The following PLEKHH2 variants were observed in gnomAD, a reference collection of about 807,000 sequenced individuals.
The protein encoded by PLEKHH2 is pleckstrin homology domain-containing family H member 2.
PLEKHH2 carries 129 observed loss-of-function variants against 187.9 expected under a neutral mutation model. The observed-to-expected ratio is 0.69, with a 90% CI of 0.59 to 0.79. The LOEUF is 0.79. Ranked by LOEUF, PLEKHH2 falls within the 30% of genes least tolerant of loss-of-function variation. PLEKHH2 has a pLI of 0.00. For synonymous variants in PLEKHH2, 686 were observed against 605.6 expected, an observed-to-expected ratio of 1.13 and a Z score of -1.95; for missense variants, 2,076 against 1,751.2, an observed-to-expected ratio of 1.19 and a Z score of -3.31.
chr2:43,656,575 G>A (rs1000702116), intron 2 of PLEKHH2, among the ~76,000 whole-genome samples: 4 of 152,206 alleles, frequency 2.6e-5, no homozygotes, highest in African/African-American at 7.2e-5. Context: ...ACACATAACA[G>A]GCTAACCTTG....
At chr2:43,708,307 G>A (rs12465669) in intron 11 of PLEKHH2, among the ~76,000 whole-genome samples, 15,253 of 152,198 alleles carry the variant, frequency 0.1, 839 homozygotes, top group African/African-American at 0.12. Context: ...ATTCGGTCAC[G>A]TACTTGACCT....
In PLEKHH2 at chr2:43,666,167, A is replaced by C. The variant is rs922038422; in HGVS notation, c.124-12696A>C. ...ACCCTCCAAGCCAGGTGTGGGATAT[A>C]GTCTCGTGGTGCGCCGTTTTTTAAG... On this transcript the variant is annotated intron_variant, in intron 2 of 29. Transcript: ENST00000282406. Among the ~76,000 whole-genome samples, 6 of 149,838 alleles carry C rather than the reference A, an allele frequency of 4.0e-5. 1 individual carries two copies. Among genetic ancestry groups the C allele is most frequent in the African/African-American group, 1.5e-4 (6 of 39,882 alleles).
At chr2:43,712,110 A>G in intron 14 of PLEKHH2, 115 bp from the exon 15 acceptor site, 1 of 1,386,330 alleles carries the variant, frequency 7.2e-7, no homozygotes, top group Non-Finnish European at 9.8e-7. Context: ...GGGACTTGAG[A>G]TTTAGCATGT....
intron 23 of PLEKHH2, among the ~76,000 whole-genome samples, chr2:43,744,546 C>T (rs1671695755): frequency 6.6e-6 from 1 of 150,558 alleles, no homozygotes; most frequent in African/African-American, 2.4e-5. Context: ...TAGGGAAGGC[C>T]TGAGCTGGAA....
Position 43,738,506 on chromosome 2 carries a change from C to T in PLEKHH2, c.3109C>T (p.Pro1037Ser). The T allele has an allele frequency of 6.2e-7, 1 of 1,609,726 alleles. No homozygotes were observed. Residue 1037 changes from proline (P) to serine (S), a missense_variant, in exon 20 of 30, where the codon CCA (proline) becomes TCA (serine). Coordinates refer to ENST00000282406, the MANE Select transcript of PLEKHH2 (RefSeq NM_172069.4). ...QTRRRQPQNQ[P>S]GPLQGWQLLA... is the part of the protein sequence containing the mutation. ...AAGACGAAGACAGCCACAGAATCAA[C>T]CAGGACCATTGCAGGTAGATATTAA...
Position 43,700,246 on chromosome 2 carries a change from T to C in PLEKHH2, c.1288T>C (p.Leu430=). The C allele has an allele frequency of 6.2e-7, 1 of 1,614,146 alleles. No individual in the cohort carries two copies. The highest frequency in any genetic ancestry group is 8.5e-7 in the Non-Finnish European group (1 of 1,180,016). The stretch of plus-strand genomic sequence containing the variant: ...CTCACTCTCTGGAAAAGGAACACAA[T>C]TAGTGCCTTCATCACACCTGCCACC... ...PNSLSGKGTQ[L]VPSSHLPPPK... The change falls in exon 8 of 30, where the codon TTA becomes CTA. Residue 430 remains leucine (L), a synonymous_variant. Transcript: ENST00000282406.
At chr2:43,702,738 C>G (rs2568246) in intron 8 of PLEKHH2, among the ~76,000 whole-genome samples, 1 of 151,972 alleles carries the variant, frequency 6.6e-6, no homozygotes, top group African/African-American at 2.4e-5. Context: ...TTAAAAATTT[C>G]TAAGAGCTTA....
intron 2 of PLEKHH2, among the ~76,000 whole-genome samples, chr2:43,674,650 T>C (rs1558458260): frequency 6.6e-6 from 1 of 152,198 alleles, no homozygotes; most frequent in Admixed American, 6.5e-5. Flanking sequence ...ATTTGAAACC[T>C]CTTCCAGAAT....
intron 11 of PLEKHH2, among the ~76,000 whole-genome samples, chr2:43,708,409 G>GC (rs1669777997): frequency 6.6e-6 from 1 of 152,098 alleles, no homozygotes; most frequent in Admixed American, 6.6e-5. Flanking sequence ...CAGGACCTTG[G>GC]CACTGCTGTT....
intron 2 of PLEKHH2, among the ~76,000 whole-genome samples, chr2:43,674,634 C>G (rs1271786311): frequency 6.6e-6 from 1 of 152,148 alleles, no homozygotes; most frequent in Non-Finnish European, 1.5e-5. Context: ...ATTTACATAT[C>G]CAAATATTTG....
At chr2:43,741,116 C>T (rs756724573) in intron 21 of PLEKHH2, 73 bp downstream of exon 21, 67 of 1,344,978 alleles carry the variant, frequency 5.0e-5, no homozygotes, top group African/African-American at 1.8e-4. Flanking sequence ...AAGTATTTAA[C>T]GATCTGCCAG....
chr2:43,716,180 C>G (rs1191671184), intron 15 of PLEKHH2, among the ~76,000 whole-genome samples: 1 of 151,982 alleles, frequency 6.6e-6, no homozygotes, highest in Non-Finnish European at 1.5e-5. Context: ...AAAGATGTAC[C>G]TTGAGTTCAC....
rs545702601 is a variant in PLEKHH2, at chr2:43,671,045, G to A, written c.124-7818G>A. Among the ~76,000 whole-genome samples the A allele has an allele frequency of 2.1e-4, 32 of 150,990 alleles. No homozygotes were observed. The South Asian group carries it at 6.1e-3, about 29-fold the overall frequency. On this transcript the variant is annotated intron_variant, in intron 2 of 29. Coordinates refer to ENST00000282406, the MANE Select transcript of PLEKHH2 (RefSeq NM_172069.4). ...TGTCCCCCAGGCTGGAGTGTGATGC[G>A]TAATCTCGGCTCACTGCAACCTCTG...
intron 2 of PLEKHH2, chr2:43,675,226 T>C (rs1667684519): frequency 4.1e-6 from 2 of 484,386 alleles, no homozygotes; most frequent in Non-Finnish European, 7.1e-6. Context: ...TATGAAATAT[T>C]ACTGAGATGT....
At chr2:43,694,391 G>A (rs749360310) in intron 4 of PLEKHH2, 40 bp from the exon 5 acceptor site, 2 of 1,521,940 alleles carry the variant, frequency 1.3e-6, no homozygotes, top group African/African-American at 1.4e-5. Flanking sequence ...AGACCATTGA[G>A]TTTATGTTTG....
intron 3 of PLEKHH2, among the ~76,000 whole-genome samples, chr2:43,689,120 G>T (rs946589799): frequency 6.6e-6 from 1 of 152,172 alleles, no homozygotes; most frequent in East Asian, 1.9e-4. Context: ...ATATTCCAGG[G>T]CATCAGAGGT....
intron 15 of PLEKHH2, among the ~76,000 whole-genome samples, chr2:43,714,598 G>A (rs991447863): frequency 8.5e-5 from 13 of 152,308 alleles, no homozygotes; most frequent in Admixed American, 8.5e-4. Context: ...AATATAGGTA[G>A]ATGCTAAGAA....
At chr2:43,693,763 G>A (rs373151903) in intron 4 of PLEKHH2, among the ~76,000 whole-genome samples, 8 of 148,554 alleles carry the variant, frequency 5.4e-5, no homozygotes, top group Middle Eastern at 3.6e-3. Flanking sequence ...ACTGGGGATT[G>A]GGGTTATGTA....
intron 2 of PLEKHH2, among the ~76,000 whole-genome samples, chr2:43,669,931 A>C (rs1253535769): frequency 1.3e-5 from 2 of 152,202 alleles, no homozygotes; most frequent in African/African-American, 4.8e-5. Flanking sequence ...AGATAAAAGA[A>C]GCCCCTGAAG....
Sources: gnomAD v4.1 joint callset for allele counts (sites outside exome capture counted in the v4.1 genomes callset) on GRCh38, gnomAD v4.1.1 for gene constraint, MANE v1.5 for transcripts, NCBI Gene and HGNC (gene_info 2026-07-23, HGNC 2026-07-21) for gene names.